PKD1L1: variants seen among roughly 807,000 people sequenced by gnomAD.
PKD1L1 encodes the protein polycystin 1 like 1, transient receptor potential channel interacting.
A neutral mutation model predicts 323.4 loss-of-function variants in PKD1L1; 236 were observed. The ratio of observed to expected loss-of-function variants is 0.73; its 90% CI spans 0.66 to 0.81. The LOEUF (loss-of-function observed/expected upper bound fraction) is 0.81, where lower values mean the gene tolerates loss of function less well. Among genes scored for constraint, PKD1L1 ranks in the 40% least tolerant of loss-of-function variants. The pLI is 0.00. For synonymous variants in PKD1L1, 1,344 were observed against 1,335.0 expected, an observed-to-expected ratio of 1.01 and a Z score of -0.15; for missense variants, 3,320 against 3,508.0, an observed-to-expected ratio of 0.95 and a Z score of 1.35.
At chr7:47,933,250 A>G (rs1023079320) in intron 4 of PKD1L1, among the ~76,000 whole-genome samples, 3 of 152,090 alleles carry the variant, frequency 2.0e-5, no homozygotes, top group African/African-American at 7.2e-5. Context: ...AATGCCATTC[A>G]CCTTATAGTT....
chr7:47,853,333 G>A (rs1014575285), intron 30 of PKD1L1, 106 bp from the exon 31 acceptor site: 7 of 789,070 alleles, frequency 8.9e-6, no homozygotes, highest in Admixed American at 2.1e-5. Flanking sequence ...AAACATCCTT[G>A]TCACTGCAAG....
intron 52 of PKD1L1, among the ~76,000 whole-genome samples, chr7:47,804,621 C>T (rs1418043131): frequency 1.3e-5 from 2 of 151,826 alleles, no homozygotes; most frequent in Non-Finnish European, 2.9e-5. Flanking sequence ...AGGCACATGC[C>T]ACCATAGTGG....
At chr7:47,896,206 G>A (rs989853061) in intron 14 of PKD1L1, among the ~76,000 whole-genome samples, 1 of 151,910 alleles carries the variant, frequency 6.6e-6, no homozygotes, top group Non-Finnish European at 1.5e-5. Context: ...GTATGCACAT[G>A]TAGTCCCAGC....
At chr7:47,892,081 C>T (rs1786832771) in intron 15 of PKD1L1, among the ~76,000 whole-genome samples, 1 of 152,114 alleles carries the variant, frequency 6.6e-6, no homozygotes, top group South Asian at 2.1e-4. Context: ...GGGGATATAT[C>T]AAATAAGAGC....
intron 26 of PKD1L1, among the ~76,000 whole-genome samples, chr7:47,860,451 T>G (rs1785999502): frequency 6.6e-6 from 1 of 152,202 alleles, no homozygotes; most frequent in African/African-American, 2.4e-5. Context: ...GAAATGAAAC[T>G]GAGATTCTGT....
At chr7:47,812,307 G>A (rs1427505424) in intron 49 of PKD1L1, among the ~76,000 whole-genome samples, 2 of 150,892 alleles carry the variant, frequency 1.3e-5, no homozygotes, top group East Asian at 3.9e-4. Context: ...GGAGGGACCT[G>A]GAGAACGGAG....
intron 11 of PKD1L1, among the ~76,000 whole-genome samples, chr7:47,904,879 G>A (rs543834335): frequency 9.1e-4 from 139 of 152,188 alleles, no homozygotes; most frequent in African/African-American, 3.3e-3. Context: ...TCTTAGATGA[G>A]GAATTTCTTA....
At chr7:47,795,384 T>G (rs1055843595) in intron 55 of PKD1L1, 13 of 455,426 alleles carry the variant, frequency 2.9e-5, no homozygotes, top group African/African-American at 2.6e-4. Context: ...GCCACCACCA[T>G]GTAAGAAGTG....
At chr7:47,794,577 G>A (rs1455730278) in intron 55 of PKD1L1, among the ~76,000 whole-genome samples, 5 of 152,228 alleles carry the variant, frequency 3.3e-5, no homozygotes, top group Admixed American at 2.6e-4. Context: ...GGGCCCTTAT[G>A]GAGAACTGCT....
Position 47,840,507 on chromosome 7 carries a change from C to G in PKD1L1, c.5506G>C (p.Glu1836Gln). The G allele has an allele frequency of 1.2e-6, 2 of 1,614,196 alleles. No homozygotes were observed. The highest frequency in any genetic ancestry group is 1.3e-5 in the African/African-American group (1 of 75,052). Residue 1836 changes from glutamate to glutamine, a missense_variant, in exon 35 of 57, where the codon GAG becomes CAG. By Grantham distance (29) the Glu-to-Gln change is conservative. Coordinates refer to ENST00000289672, the MANE Select transcript of PKD1L1 (RefSeq NM_138295.5). This position sits in a 1 kb window ranked among gnomAD's most constrained non-coding sequence, Gnocchi z 4.1. ...LSETKELSCP[E>Q]KPLFERNSRH... ...GAATTCCTTTCAAACAGGGGCTTCTCTGGACAGGAGAGCTCCTTGGTTTCT... is the reference window on the plus strand; with the variant it reads ...GAATTCCTTTCAAACAGGGGCTTCTGTGGACAGGAGAGCTCCTTGGTTTCT...
chr7:47,787,364 T>C (rs1410782771), intron 56 of PKD1L1, among the ~76,000 whole-genome samples: 1 of 152,216 alleles, frequency 6.6e-6, no homozygotes, highest in Non-Finnish European at 1.5e-5. Context: ...CAGAAAGCGT[T>C]GTGTTTTCCT....
At chr7:47,870,891 T>A (rs1786266835) in intron 24 of PKD1L1, among the ~76,000 whole-genome samples, 1 of 150,026 alleles carries the variant, frequency 6.7e-6, no homozygotes, top group Non-Finnish European at 1.5e-5. Flanking sequence ...AAGGATGGCT[T>A]GAGCCTAGGA....
rs535184919 is a variant in PKD1L1, at chr7:47,840,770, G to A, written c.5446-203C>T. ...CCCTGGAGAGCCAGAGGAGAGCCTCGAAGTGGAGCCTGGTAGAATTGGCCA... is the reference window on the plus strand; with the variant it reads ...CCCTGGAGAGCCAGAGGAGAGCCTCAAAGTGGAGCCTGGTAGAATTGGCCA... On this transcript the variant is annotated intron_variant, in intron 34 of 56. Transcript: ENST00000289672. This position sits in a 1 kb window ranked among gnomAD's most constrained non-coding sequence, Gnocchi z 4.1. Among the ~76,000 whole-genome samples the A allele has an allele frequency of 1.3e-5, 2 of 152,330 alleles. No homozygotes were observed. The highest frequency in any genetic ancestry group is 2.1e-4 in the South Asian group (1 of 4,822).
Position 47,782,004 on chromosome 7 carries a change from T to G in PKD1L1, c.8527-6838A>C, listed in dbSNP as rs149733014. On this transcript the variant is annotated intron_variant, in intron 56 of 56. Transcript: ENST00000289672. The stretch of plus-strand genomic sequence containing the variant: ...TGTGAGTCCATTCTGGGATCTCTAT[T>G]CCTGGGATCTATTCTGTTCCAAGGA... Among the ~76,000 whole-genome samples the G allele has an allele frequency of 4.1e-4, 63 of 152,328 alleles. No individual in the cohort carries two copies. In the East Asian group the frequency reaches 0.012, roughly 29 times the overall value.
intron 46 of PKD1L1, among the ~76,000 whole-genome samples, chr7:47,820,272 C>T (rs991477338): frequency 6.6e-6 from 1 of 152,296 alleles, no homozygotes; most frequent in African/African-American, 2.4e-5. Flanking sequence ...CAACAAAATG[C>T]TATCATGCTT....
intron 10 of PKD1L1, among the ~76,000 whole-genome samples, 200 bp from the exon 11 acceptor site, chr7:47,905,525 G>A (rs1787184928): frequency 6.6e-6 from 1 of 152,234 alleles, no homozygotes; most frequent in Non-Finnish European, 1.5e-5. Flanking sequence ...AGGCCCCAAA[G>A]TGCTTGCACA....
chr7:47,827,363 G>A lies in PKD1L1; in HGVS notation c.6841C>T (p.Arg2281Trp), dbSNP rs778693232. 14 of 1,611,870 alleles carry A rather than the reference G, an allele frequency of 8.7e-6. No individual in the cohort carries two copies. Among genetic ancestry groups the A allele is most frequent in the Admixed American group, 6.7e-5 (4 of 59,920 alleles). ...RQRMRRESRT[R>W]AALRDISMDI... ...GCCGCCACCCACCTCAGGGCAGCCC[G>A]TGTGCGACTCTCTCTCCTCATCCTC... Residue 2281 changes from arginine (R) to tryptophan (W), a missense_variant, in exon 45 of 57, where the codon CGG becomes TGG. Coordinates refer to ENST00000289672, the MANE Select transcript of PKD1L1 (RefSeq NM_138295.5).
chr7:47,807,352 T>C (rs1047693737), intron 52 of PKD1L1, among the ~76,000 whole-genome samples: 1 of 152,038 alleles, frequency 6.6e-6, no homozygotes, highest in Non-Finnish European at 1.5e-5. Flanking sequence ...CTGGTTCTCC[T>C]TACACAGCGG....
chr7:47,943,120 T>G (rs1197288874), intron 2 of PKD1L1, among the ~76,000 whole-genome samples: 9 of 133,086 alleles, frequency 6.8e-5, no homozygotes, highest in Admixed American at 6.8e-4. Flanking sequence ...CACTCCAGCC[T>G]GGGTGACAGA....
Sources: gnomAD v4.1 joint callset for allele counts (sites outside exome capture counted in the v4.1 genomes callset) on GRCh38, gnomAD v4.1.1 for gene constraint, Gnocchi (gnomAD v3.1) non-coding constraint, MANE v1.5 for transcripts, NCBI Gene and HGNC (gene_info 2026-07-23, HGNC 2026-07-21) for gene names.